The following COL4A4 variants were observed in gnomAD, a reference collection of about 807,000 sequenced individuals.
COL4A4 encodes the protein collagen alpha-4(IV) chain.
A neutral mutation model predicts 192.9 loss-of-function variants in COL4A4; 105 were observed. The observed-to-expected ratio is 0.54, with a 90% CI of 0.46 to 0.64. The LOEUF is 0.64. Among genes scored for constraint, COL4A4 ranks in the 30% least tolerant of loss-of-function variants. The pLI is 0.00. For synonymous variants in COL4A4, 762 were observed against 769.9 expected, an observed-to-expected ratio of 0.99 and a Z score of 0.17; for missense variants, 1,967 against 2,169.3, an observed-to-expected ratio of 0.91 and a Z score of 1.85.
At position 227,099,683 on chromosome 2, in the gene COL4A4, G is replaced by T; in HGVS notation, c.1036C>A (p.Pro346Thr). 2.5e-6 allele frequency: 4 copies of T among 1,613,910 alleles called. No individual in the cohort carries two copies. The highest frequency in any genetic ancestry group is 3.4e-6 in the Non-Finnish European group (4 of 1,179,858). ...LFGLIGPKGD[P>T]GNRGHPGPPG... ...GGTCCTGGGTGCCCTCGATTTCCAG[G>T]ATCCCCCTGAAATCATTCATTCATT... The change falls in exon 18 of 48, where the codon CCT becomes ACT. Residue 346 changes from proline to threonine, a missense_variant. Coordinates refer to ENST00000396625, the MANE Select transcript of COL4A4 (RefSeq NM_000092.5).
rs747697337 is a variant in COL4A4 at position 227,108,882 on chromosome 2, G to GA, written c.658-15dup. 28 of 1,609,580 alleles carry GA rather than the reference G, an allele frequency of 1.7e-5. No homozygotes were observed. The East Asian group carries it at 4.9e-4, about 28-fold the overall frequency. On this transcript the variant is annotated splice_polypyrimidine_tract_variant and intron_variant, in intron 10 of 47. Coordinates refer to ENST00000396625, the MANE Select transcript of COL4A4 (RefSeq NM_000092.5). ...GCCCGGAGGTCCCTAAATCAAGGGA[G>GA]AAAAAAACACAAATCAATCATCAGA...
intron 1 of COL4A4, among the ~76,000 whole-genome samples, chr2:227,163,138 T>C (rs144841226): frequency 2.0e-5 from 3 of 152,336 alleles, no homozygotes; most frequent in East Asian, 1.9e-4. Flanking sequence ...GTGATCTGTA[T>C]AGGAAACTCA....
chr2:227,157,428 A>G (rs1428374092), intron 1 of COL4A4, among the ~76,000 whole-genome samples: 4 of 152,106 alleles, frequency 2.6e-5, no homozygotes. Context: ...AAATGAAGAA[A>G]ATAATAAATA....
At chr2:226,993,103 C>T in the COL4A4 span, among the ~76,000 whole-genome samples, 3 of 152,248 alleles carry the variant, frequency 2.0e-5, no homozygotes, top group Non-Finnish European at 4.4e-5. Context: ...TGTGTGCTGG[C>T]TGCTCCTTTT....
rs1389687047 is a variant in COL4A4, at chr2:227,004,983, C to G, written c.*2342G>C. On this transcript the variant is annotated 3_prime_UTR_variant, in exon 48 of 48. Transcript: ENST00000396625. Reference sequence around the variant, plus strand: ...AATTGAAGGCACATTGATATATAACCAGGTGAAGAAAATAATGGTTTAAGG... The same window carrying G: ...AATTGAAGGCACATTGATATATAACGAGGTGAAGAAAATAATGGTTTAAGG... 6.6e-6 allele frequency: 1 copy of G among 152,146 alleles called. No individual in the cohort carries two copies. Among genetic ancestry groups the G allele is most frequent in the Non-Finnish European group, 1.5e-5 (1 of 68,036 alleles). 9.4% of individuals were successfully genotyped at this position (152,146 alleles called of 1,614,324 possible). A position where few individuals can be genotyped will look rare whatever the true frequency, so the allele number is the denominator to read the frequency against.
At chr2:227,095,460 C>T (rs900020566) in intron 19 of COL4A4, among the ~76,000 whole-genome samples, 6 of 152,150 alleles carry the variant, frequency 3.9e-5, no homozygotes, top group Non-Finnish European at 7.3e-5. Flanking sequence ...ATGTAAGAAG[C>T]TTAGTGTAAC....
intron 22 of COL4A4, among the ~76,000 whole-genome samples, chr2:227,083,624 CTT>C (rs1451077728): frequency 3.9e-5 from 6 of 151,936 alleles, no homozygotes; most frequent in Admixed American, 3.9e-4. Flanking sequence ...TTGGATTTTA[CTT>C]TTTTGTGTGT....
At chr2:227,159,113 T>C (rs2064596460) in intron 1 of COL4A4, among the ~76,000 whole-genome samples, 2 of 152,292 alleles carry the variant, frequency 1.3e-5, no homozygotes, top group South Asian at 4.1e-4. Flanking sequence ...CTCCACACAA[T>C]GGACTACTAC....
the COL4A4 span, among the ~76,000 whole-genome samples, chr2:226,979,587 C>T: frequency 6.6e-6 from 1 of 152,174 alleles, no homozygotes; most frequent in Non-Finnish European, 1.5e-5. Context: ...AAGCAAGCAT[C>T]CCGCACAGGA....
chr2:226,973,771 C>T, the COL4A4 span, among the ~76,000 whole-genome samples: 1 of 152,338 alleles, frequency 6.6e-6, no homozygotes, highest in Non-Finnish European at 1.5e-5. Context: ...CTGCCTCCTT[C>T]ACTAGCAGAA....
chr2:226,974,319 G>A, the COL4A4 span, among the ~76,000 whole-genome samples: 2 of 150,932 alleles, frequency 1.3e-5, no homozygotes, highest in Non-Finnish European at 1.5e-5. Context: ...CTCATTGCAA[G>A]CTCCACCCCC....
the COL4A4 span, among the ~76,000 whole-genome samples, chr2:226,981,667 G>A: frequency 6.6e-6 from 1 of 152,120 alleles, no homozygotes; most frequent in African/African-American, 2.4e-5. Context: ...ACAAAAAGTG[G>A]TTAATTAGAC....
chr2:227,124,862 T>C (rs144933722), intron 4 of COL4A4, among the ~76,000 whole-genome samples: 1,703 of 152,340 alleles, frequency 0.011, 26 homozygotes, highest in African/African-American at 0.038. Flanking sequence ...TTCATTAAGT[T>C]TGGGAATTAT....
chr2:227,010,629 C>T, intron 45 of COL4A4, 128 bp from the exon 46 acceptor site: 3 of 686,894 alleles, frequency 4.4e-6, no homozygotes, highest in Non-Finnish European at 7.1e-6. Context: ...TCAGCCCCTC[C>T]TCGCCTTCTG....
chr2:227,046,833 C>T (rs1972980313), intron 35 of COL4A4, among the ~76,000 whole-genome samples: 1 of 151,918 alleles, frequency 6.6e-6, no homozygotes, highest in Non-Finnish European at 1.5e-5. Flanking sequence ...CCAGTTGTGG[C>T]CTCAACTGTC....
In COL4A4 at chr2:227,140,726, G is replaced by C. The variant is rs576495210; in HGVS notation, c.115-488C>G. Among the ~76,000 whole-genome samples, 5 of 151,868 alleles carry C rather than the reference G, an allele frequency of 3.3e-5. No individual in the cohort carries two copies. In the East Asian group the frequency reaches 9.7e-4, roughly 29 times the overall value. On this transcript the variant is annotated intron_variant, in intron 3 of 47. Transcript: ENST00000396625. ...AGGACAATTCTTCTGTCCCATCCTT[G>C]GGCTTAAAATTAAAATTGTTGTTCC...
At chr2:227,018,651 C>T (rs1270960684) in intron 44 of COL4A4, among the ~76,000 whole-genome samples, 2 of 152,132 alleles carry the variant, frequency 1.3e-5, no homozygotes, top group Admixed American at 6.6e-5. Flanking sequence ...CGATGCTTCA[C>T]CAGAACGACG....
At position 227,003,321 on chromosome 2, in the gene COL4A4, T is replaced by G. The variant is rs1248539764; in HGVS notation, c.*4004A>C. 6.6e-6 allele frequency: 1 copy of G among 151,742 alleles called. No homozygotes were observed. Among genetic ancestry groups the G allele is most frequent in the Non-Finnish European group, 1.5e-5 (1 of 67,842 alleles). The allele number at this position is 151,742 out of a possible 1,614,324, so 9.4% of individuals were successfully genotyped here. On this transcript the variant is annotated 3_prime_UTR_variant, in exon 48 of 48. Transcript: ENST00000396625. ...GGTATGCTAGACAGGTAATCTAACT[T>G]AATTTTCAATGCAAGAGTAGCTGTT...
At chr2:227,156,529 A>G (rs896274981) in intron 1 of COL4A4, among the ~76,000 whole-genome samples, 3 of 152,170 alleles carry the variant, frequency 2.0e-5, no homozygotes, top group African/African-American at 7.2e-5. Flanking sequence ...AGTACCTTAT[A>G]AAGTATCTTT....
Sources: allele counts gnomAD v4.1 joint callset (sites outside exome capture counted in the v4.1 genomes callset), GRCh38; gene constraint gnomAD v4.1.1; transcripts MANE v1.5; gene names NCBI Gene and HGNC (gene_info 2026-07-23, HGNC 2026-07-21).